ATRX: variants seen among roughly 807,000 people sequenced by gnomAD.
The protein encoded by ATRX is chromatin remodeler ATRX.
In ATRX, 12 loss-of-function variants were observed where a neutral mutation model predicts 172.6. The ratio of observed to expected loss-of-function variants is 0.07; its 90% CI spans 0.04 to 0.11. The LOEUF is 0.11. ATRX is among the 10% of genes least tolerant of loss of function. ATRX has a pLI of 1.00. For synonymous variants in ATRX, 674 were observed against 594.7 expected, an observed-to-expected ratio of 1.13 and a Z score of -1.94; for missense variants, 1,368 against 1,767.4, an observed-to-expected ratio of 0.77 and a Z score of 4.05.
chrX:77,633,724 C>T lies in ATRX; in HGVS notation c.4810-12G>A, dbSNP rs2148344550. 8.3e-7 allele frequency: 1 copy of T among 1,200,509 alleles called. No individual in the cohort carries two copies. The highest frequency in any genetic ancestry group is 1.1e-6 in the Non-Finnish European group (1 of 886,680). On this transcript the variant is annotated splice_polypyrimidine_tract_variant and intron_variant, in intron 17 of 34. Transcript: ENST00000373344. ...AGAAAACTTACCACCTATAAGAAAA[C>T]AGATTGTCACCTTCGTTTAAATATC...
intron 28 of ATRX, among the ~76,000 whole-genome samples, chrX:77,566,446 C>T (rs984727381): frequency 4.5e-5 from 5 of 112,104 alleles, no homozygotes; most frequent in Non-Finnish European, 7.5e-5. Context: ...TTGTTGCCAG[C>T]GGACTTGCTG....
intron 1 of ATRX, among the ~76,000 whole-genome samples, chrX:77,747,795 A>C (rs1381758840): frequency 1.8e-5 from 2 of 111,472 alleles, no homozygotes; most frequent in Non-Finnish European, 3.8e-5. Context: ...GACTATATCT[A>C]ATCTTTATAT....
chrX:77,671,273 A>AGC (rs1444551804), intron 10 of ATRX, among the ~76,000 whole-genome samples: 1 of 102,145 alleles, frequency 9.8e-6, no homozygotes, highest in Non-Finnish European at 2.0e-5. Flanking sequence ...ATAATCAAAA[A>AGC]GCTAAACAAT....
intron 5 of ATRX, among the ~76,000 whole-genome samples, chrX:77,695,076 A>C (rs1557149181): frequency 1.0e-5 from 1 of 99,987 alleles, no homozygotes; most frequent in East Asian, 3.1e-4. Flanking sequence ...AAAAAAAAAA[A>C]CTGAATTCTC....
intron 1 of ATRX, among the ~76,000 whole-genome samples, chrX:77,753,175 T>C (rs2075365160): frequency 9.0e-6 from 1 of 111,539 alleles, no homozygotes; most frequent in Non-Finnish European, 1.9e-5. Context: ...GGGAGTCAAC[T>C]TCTTCCTGGT....
At chrX:77,734,337 G>A (rs1052484851) in intron 1 of ATRX, among the ~76,000 whole-genome samples, 2 of 111,460 alleles carry the variant, frequency 1.8e-5, no homozygotes, top group Non-Finnish European at 3.8e-5. Context: ...AGAATTGCTT[G>A]AACCCAGGAG....
chrX:77,636,672 A>C (rs1220265597), intron 15 of ATRX, among the ~76,000 whole-genome samples: 1 of 110,587 alleles, frequency 9.0e-6, no homozygotes, highest in Non-Finnish European at 1.9e-5. Context: ...TCAGTAATTT[A>C]GCTCAACAGA....
rs782530313 is a variant in ATRX at position 77,545,744 on chromosome X, T to C, written c.6699+11707A>G. On this transcript the variant is annotated intron_variant, in intron 30 of 34. Transcript: ENST00000373344. ...ACAAAAATAAAAATGCAAAGGATGA[T>C]ATTTTTGAAGAACTAATGGACATAC... 7.1e-5 allele frequency among the ~76,000 whole-genome samples: 8 copies of C among 111,931 alleles called. No homozygotes were observed. The East Asian group carries it at 8.4e-4, about 12-fold the overall frequency.
chrX:77,689,045 T>C (rs1235415432), intron 6 of ATRX, 118 bp from the exon 7 acceptor site: 1 of 572,457 alleles, frequency 1.7e-6, no homozygotes, highest in African/African-American at 2.2e-5. Flanking sequence ...CTTAGAAAAA[T>C]GGCATATTGG....
At chrX:77,767,003 C>T (rs1188991051) in intron 1 of ATRX, among the ~76,000 whole-genome samples, 1 of 112,156 alleles carries the variant, frequency 8.9e-6, no homozygotes, top group African/African-American at 3.2e-5. Flanking sequence ...GGATCACTCG[C>T]GGTTAGGAGC....
At position 77,683,391 on chromosome X, in the gene ATRX, G is replaced by A. The variant is rs1557140622; in HGVS notation, c.1865C>T (p.Pro622Leu). 8.3e-7 allele frequency: 1 copy of A among 1,210,745 alleles called. No individual in the cohort carries two copies. The highest frequency in any genetic ancestry group is 1.1e-6 in the Non-Finnish European group (1 of 894,917). The change falls in exon 9 of 35, where the codon CCC becomes CTC. Residue 622 changes from proline (P) to leucine (L), a missense_variant. Physicochemically the swap from Pro to Leu is moderately conservative, Grantham distance 98. Around this residue, in one of 17 missense-constraint regions of ATRX, gnomAD observed 843 missense variants for 643.1 expected, o/e 1.31. Coordinates refer to ENST00000373344, the MANE Select transcript of ATRX (RefSeq NM_000489.6). ...KDGYKSCGLN[P>L]KLEKCGLGQE... ...TCCAAGTCCACATTTCTCTAACTTG[G>A]GGTTCAGACCACAACTTTTATAGCC...
intron 1 of ATRX, among the ~76,000 whole-genome samples, chrX:77,759,283 G>A (rs2075628058): frequency 9.0e-6 from 1 of 110,590 alleles, no homozygotes; most frequent in Admixed American, 9.7e-5. Context: ...TAGGGAGAAA[G>A]AAACTCTAGC....
intron 1 of ATRX, among the ~76,000 whole-genome samples, chrX:77,727,576 C>A (rs1272043703): frequency 9.2e-6 from 1 of 108,576 alleles, no homozygotes; most frequent in African/African-American, 3.4e-5. Context: ...CAAACTAACA[C>A]AGGAACAGAA....
chrX:77,693,480 G>A (rs1557148152), intron 6 of ATRX, among the ~76,000 whole-genome samples: 1 of 111,721 alleles, frequency 9.0e-6, no homozygotes, highest in Non-Finnish European at 1.9e-5. Context: ...TATATATAAA[G>A]TTACCTGTAG....
intron 27 of ATRX, among the ~76,000 whole-genome samples, chrX:77,586,115 T>C (rs1346742109): frequency 8.9e-6 from 1 of 111,964 alleles, no homozygotes; most frequent in Non-Finnish European, 1.9e-5. Context: ...AATTAAAAAT[T>C]GTATATTTTT....
At chrX:77,743,918 T>C (rs1290489959) in intron 1 of ATRX, among the ~76,000 whole-genome samples, 2 of 112,136 alleles carry the variant, frequency 1.8e-5, no homozygotes, top group Non-Finnish European at 3.8e-5. Context: ...AAGACAGGCC[T>C]ATTAGGCATT....
rs371002461 is a variant in ATRX at position 77,778,991 on chromosome X, G to A, written c.20+6991C>T. Among the ~76,000 whole-genome samples, 9 of 106,112 alleles carry A rather than the reference G, an allele frequency of 8.5e-5. 1 individual carries two copies. In the East Asian group the frequency reaches 1.2e-3, roughly 14 times the overall value. 92.1% of individuals were successfully genotyped at this position (106,112 alleles called of 115,157 possible). ...TGCCCAGACTAGAGTGCAGTGGCGC[G>A]ATCTCGGCCCACTGCAAGCTCCGCC... On this transcript the variant is annotated intron_variant, in intron 1 of 34. Transcript: ENST00000373344.
chrX:77,657,530 G>A (rs2069616390), intron 12 of ATRX, among the ~76,000 whole-genome samples: 1 of 111,209 alleles, frequency 9.0e-6, no homozygotes, highest in Non-Finnish European at 1.9e-5. Flanking sequence ...AACAACCAAA[G>A]CTAGAACAAT....
intron 28 of ATRX, among the ~76,000 whole-genome samples, chrX:77,569,494 A>T (rs1557066291): frequency 9.0e-6 from 1 of 111,356 alleles, no homozygotes; most frequent in African/African-American, 3.3e-5. Context: ...TAGTACAATG[A>T]TCTACTTAGA....
Sources: gnomAD v4.1 joint callset for allele counts (sites outside exome capture counted in the v4.1 genomes callset) on GRCh38, gnomAD v4.1.1 for gene constraint, gnomAD v4.1.1 regional missense constraint, MANE v1.5 for transcripts, NCBI Gene and HGNC (gene_info 2026-07-23, HGNC 2026-07-21) for gene names.